SNX8: variants seen among roughly 807,000 people sequenced by gnomAD.
SNX8 encodes the protein sorting nexin-8.
A neutral mutation model predicts 51.6 loss-of-function variants in SNX8; 25 were observed. The ratio of observed to expected loss-of-function variants is 0.48; its 90% CI spans 0.35 to 0.68. The LOEUF is 0.68. Among genes scored for constraint, SNX8 ranks in the 30% least tolerant of loss-of-function variants. SNX8 has a pLI of 0.00. For synonymous variants in SNX8, 324 were observed against 277.0 expected, an observed-to-expected ratio of 1.17 and a Z score of -1.68; for missense variants, 695 against 624.0, an observed-to-expected ratio of 1.11 and a Z score of -1.21.
At chr7:2,260,198 C>T (rs919864120) in intron 7 of SNX8, among the ~76,000 whole-genome samples, 1 of 152,036 alleles carries the variant, frequency 6.6e-6, no homozygotes, top group Non-Finnish European at 1.5e-5. Flanking sequence ...CAGGTTCAAG[C>T]GATTCTCTCC....
chr7:2,324,952 T>C (rs982605026), intron 1 of SNX8, among the ~76,000 whole-genome samples: 3 of 147,964 alleles, frequency 2.0e-5, no homozygotes, highest in East Asian at 1.9e-4. Context: ...ACTGCAGGCA[T>C]TGGCCATGTA....
upstream of SNX8, among the ~76,000 whole-genome samples, chr7:2,316,735 A>T (rs1374371187): frequency 2.8e-5 from 4 of 143,768 alleles, no homozygotes; most frequent in African/African-American, 1.0e-4. Flanking sequence ...TGCATCCTGC[A>T]TTCATTCATT....
chr7:2,295,634 T>C (rs1436136002), intron 1 of SNX8, among the ~76,000 whole-genome samples: 1 of 151,134 alleles, frequency 6.6e-6, no homozygotes, highest in African/African-American at 2.4e-5. Flanking sequence ...TGTGTTTCTG[T>C]TGCTTTTGGG....
At chr7:2,341,622 TG>T (rs1489265680) in intron 1 of SNX8, among the ~76,000 whole-genome samples, 1 of 151,948 alleles carries the variant, frequency 6.6e-6, no homozygotes, top group African/African-American at 2.4e-5. Context: ...CAGTGAGCCA[TG>T]TTCTCACCAC....
Position 2,308,774 on chromosome 7 carries a change from G to C in SNX8, c.94+5554C>G, listed in dbSNP as rs537420257. Among the ~76,000 whole-genome samples, 6 of 147,204 alleles carry C rather than the reference G, an allele frequency of 4.1e-5. No homozygotes were observed. The East Asian group carries it at 1.2e-3, about 29-fold the overall frequency. On this transcript the variant is annotated intron_variant, in intron 1 of 10. Coordinates refer to ENST00000222990, the MANE Select transcript of SNX8 (RefSeq NM_013321.4). ...GGGCATAATTTAATCACCATAAAAT[G>C]AACAAATTTTTTTTTTTTTTTTTTT...
At chr7:2,302,183 G>C (rs1005954225) in intron 1 of SNX8, among the ~76,000 whole-genome samples, 1 of 151,480 alleles carries the variant, frequency 6.6e-6, no homozygotes, top group African/African-American at 2.4e-5. Flanking sequence ...CTGCCATCTC[G>C]GCTCACTGCA....
In SNX8 at chr7:2,331,837, G is replaced by A. The variant is rs1389125233; in HGVS notation, c.-66+22385C>T. ...GGAGGTTAAAGTGAGTCAAGATCAC[G>A]CCACTGCACTCCAGCCTGGGTGACA... On this transcript the variant is annotated intron_variant, in intron 1 of 5. Transcript: ENST00000435336. Among the ~76,000 whole-genome samples, 7 of 150,584 alleles carry A rather than the reference G, an allele frequency of 4.6e-5. No homozygotes were observed. The South Asian group carries it at 8.4e-4, about 18-fold the overall frequency.
At position 2,252,308 on chromosome 7, in the gene SNX8, G is replaced by A. The variant is rs2256545; in HGVS notation, c.*2748C>T. 44,289 of 152,354 alleles carry A rather than the reference G, an allele frequency of 0.29. 7,890 individuals are homozygous for A. Among genetic ancestry groups the A allele is most frequent in the East Asian group, 0.56 (2,873 of 5,156 alleles). The allele number at this position is 152,354 out of a possible 1,614,324, so 9.4% of individuals were successfully genotyped here. A position where few individuals can be genotyped will look rare whatever the true frequency, so the allele number is the denominator to read the frequency against. On this transcript the variant is annotated 3_prime_UTR_variant, in exon 11 of 11. Coordinates refer to ENST00000222990, the MANE Select transcript of SNX8 (RefSeq NM_013321.4). ...CAGGAGGGCTGGAGAGGCATGGGGGGAACCCCGCTCTCCCTCCGGCATGGG... is the reference window on the plus strand; with the variant it reads ...CAGGAGGGCTGGAGAGGCATGGGGGAAACCCCGCTCTCCCTCCGGCATGGG...
intron 1 of SNX8, among the ~76,000 whole-genome samples, chr7:2,331,212 GA>G (rs984986231): frequency 7.1e-6 from 1 of 139,996 alleles, no homozygotes; most frequent in Non-Finnish European, 1.6e-5. Flanking sequence ...AAGAAAGAAA[GA>G]AAAGAAAAGA....
intron 1 of SNX8, among the ~76,000 whole-genome samples, chr7:2,293,068 C>T (rs1796189803): frequency 6.6e-6 from 1 of 151,126 alleles, no homozygotes; most frequent in South Asian, 2.1e-4. Context: ...TGAACTTCAT[C>T]AAAATTTAAA....
chr7:2,321,171 G>A (rs185886489), intron 1 of SNX8, among the ~76,000 whole-genome samples: 37 of 152,280 alleles, frequency 2.4e-4, no homozygotes, highest in Non-Finnish European at 4.1e-4. Context: ...TCTCACACAC[G>A]CAGAATAAAG....
Position 2,271,989 on chromosome 7 carries a change from G to A in SNX8, c.419-18C>T. The A allele has an allele frequency of 6.2e-6, 10 of 1,613,576 alleles. No homozygotes were observed. The highest frequency in any genetic ancestry group is 7.6e-6 in the Non-Finnish European group (9 of 1,179,754). The stretch of plus-strand genomic sequence containing the variant: ...CCTGTCAGCTGGAGGAGCACACGGG[G>A]TCACTGGACAGAGTCCAGGGCGCCG... On this transcript the variant is annotated intron_variant, in intron 3 of 10. Coordinates refer to ENST00000222990, the MANE Select transcript of SNX8 (RefSeq NM_013321.4).
At chr7:2,267,643 A>G (rs57492461) in intron 5 of SNX8, among the ~76,000 whole-genome samples, 1,562 of 146,368 alleles carry the variant, frequency 0.011, 11 homozygotes, top group Middle Eastern at 0.028. Flanking sequence ...GAGTGCAGTG[A>G]CGTGATCTCG....
chr7:2,301,100 A>C (rs1207824548), intron 1 of SNX8, among the ~76,000 whole-genome samples: 1 of 152,250 alleles, frequency 6.6e-6, no homozygotes, highest in Non-Finnish European at 1.5e-5. Context: ...AAAGATAAAA[A>C]GGACCTAGCA....
At chr7:2,268,428 C>T (rs1296257406) in intron 5 of SNX8, among the ~76,000 whole-genome samples, 1 of 144,918 alleles carries the variant, frequency 6.9e-6, no homozygotes, top group African/African-American at 2.6e-5. Context: ...CGCCCGGCAG[C>T]CACCCCATCC....
In SNX8 at chr7:2,275,099, C is replaced by G; in HGVS notation, c.418+13G>C. 6.3e-7 allele frequency: 1 copy of G among 1,582,198 alleles called. No individual in the cohort carries two copies. The highest frequency in any genetic ancestry group is 8.7e-7 in the Non-Finnish European group (1 of 1,150,906). On this transcript the variant is annotated intron_variant, in intron 3 of 10. Coordinates refer to ENST00000222990, the MANE Select transcript of SNX8 (RefSeq NM_013321.4). Reference sequence around the variant, plus strand: ...CTCCCTCCGCCCCCGGTGGGCAGCACGCCTGGCTTTACCTCCCAGCATTCT... The same window carrying G: ...CTCCCTCCGCCCCCGGTGGGCAGCAGGCCTGGCTTTACCTCCCAGCATTCT...
At chr7:2,330,471 G>A (rs1465232529) in intron 1 of SNX8, among the ~76,000 whole-genome samples, 1 of 152,026 alleles carries the variant, frequency 6.6e-6, no homozygotes, top group Non-Finnish European at 1.5e-5. Flanking sequence ...ACCAGTAAAT[G>A]TATGCATTTC....
At chr7:2,276,531 A>G (rs1795784474) in intron 2 of SNX8, among the ~76,000 whole-genome samples, 1 of 151,986 alleles carries the variant, frequency 6.6e-6, no homozygotes, top group South Asian at 2.1e-4. Context: ...GGCCAGGTGC[A>G]GTGGCTCATG....
intron 1 of SNX8, among the ~76,000 whole-genome samples, chr7:2,325,182 C>A (rs1001349810): frequency 2.6e-5 from 4 of 152,112 alleles, no homozygotes; most frequent in Non-Finnish European, 5.9e-5. Flanking sequence ...GCTCTCTTGA[C>A]TAGGCTAGGG....
Sources: allele counts gnomAD v4.1 joint callset (sites outside exome capture counted in the v4.1 genomes callset), GRCh38; gene constraint gnomAD v4.1.1; transcripts MANE v1.5; gene names NCBI Gene and HGNC (gene_info 2026-07-23, HGNC 2026-07-21).